COL4A1: variants seen among roughly 807,000 people sequenced by gnomAD.
The protein encoded by COL4A1 is collagen alpha-1(IV) chain.
A neutral mutation model predicts 216.6 loss-of-function variants in COL4A1; 40 were observed. That is an observed-to-expected ratio of 0.18 (90% CI 0.14 to 0.24). The LOEUF is 0.24. Among genes scored for constraint, COL4A1 ranks in the 10% least tolerant of loss-of-function variants. COL4A1 has a pLI of 1.00. For missense variants in COL4A1, 1,628 were observed against 2,196.8 expected (o/e 0.74, Z 5.18); for synonymous variants, 839 against 810.7 (o/e 1.03, Z -0.59).
chr13:110,198,396 C>G, intron 21 of COL4A1, 71 bp downstream of exon 21: 1 of 1,584,888 alleles, frequency 6.3e-7, no homozygotes, highest in Non-Finnish European at 8.6e-7. Context: ...ATCACAGCCC[C>G]CAACCTGGGT....
chr13:110,164,941 C>T lies in COL4A1; in HGVS notation c.4071G>A (p.Gly1357=), dbSNP rs769532281. Residue 1357 remains glycine, a synonymous_variant, in exon 46 of 52, where the codon GGG becomes GGA. Coordinates refer to ENST00000375820, the MANE Select transcript of COL4A1 (RefSeq NM_001845.6). ...CCTCAGGACCAGGGAGCCCGGGCTC[C>T]CCTTTGATGATGTCGTAAGGACCTG... ...GPPGPYDIIK[G]EPGLPGPEGP... 6.6e-5 allele frequency: 106 copies of T among 1,605,262 alleles called. No homozygotes were observed. The highest frequency in any genetic ancestry group is 8.4e-5 in the Non-Finnish European group (99 of 1,176,302).
chr13:110,298,165 A>C (rs1476020634), intron 1 of COL4A1, among the ~76,000 whole-genome samples: 2 of 152,234 alleles, frequency 1.3e-5, no homozygotes, highest in Admixed American at 1.3e-4. Context: ...TTAAAAGCCT[A>C]AATTCCTGAA....
intron 1 of COL4A1, among the ~76,000 whole-genome samples, chr13:110,271,066 G>A (rs571744066): frequency 6.6e-6 from 1 of 152,178 alleles, no homozygotes; most frequent in Non-Finnish European, 1.5e-5. Context: ...GATGGAAATG[G>A]ATTACAATTC....
At chr13:110,290,648 C>A (rs1233690470) in intron 1 of COL4A1, among the ~76,000 whole-genome samples, 3 of 152,202 alleles carry the variant, frequency 2.0e-5, no homozygotes, top group Non-Finnish European at 4.4e-5. Context: ...CACACCTCCA[C>A]CAGACCCACT....
chr13:110,198,198 T>C (rs1359851790), intron 21 of COL4A1, among the ~76,000 whole-genome samples: 1 of 152,122 alleles, frequency 6.6e-6, no homozygotes, highest in Non-Finnish European at 1.5e-5. Flanking sequence ...ACAGTTTTGC[T>C]TTTTAACTTT....
chr13:110,284,124 C>T (rs1318328022), intron 1 of COL4A1, among the ~76,000 whole-genome samples: 2 of 152,234 alleles, frequency 1.3e-5, no homozygotes, highest in Non-Finnish European at 2.9e-5. Flanking sequence ...TGGAAACACA[C>T]AGCTCTCAAT....
Position 110,152,331 on chromosome 13 carries a change from T to C in COL4A1, c.4928+3A>G. On this transcript the variant is annotated splice_donor_region_variant and intron_variant, in intron 51 of 51. Transcript: ENST00000375820. ...CCTGCAAAAAAGCAGTGCTCCCACTTACTTGAACATCTCGCTCCTCTCTAT... is the reference window on the plus strand; with the variant it reads ...CCTGCAAAAAAGCAGTGCTCCCACTCACTTGAACATCTCGCTCCTCTCTAT... 1 of 1,614,122 alleles carries C rather than the reference T, an allele frequency of 6.2e-7. No homozygotes were observed.
At position 110,205,475 on chromosome 13, in the gene COL4A1, A is replaced by G; in HGVS notation, c.903+19T>C. ...AGGAACAGTGAGCCTGCTTGTAAAA[A>G]CCACAGAGAAACACTTACGGGACTC... On this transcript the variant is annotated intron_variant, in intron 16 of 51. Transcript: ENST00000375820. 1.2e-6 allele frequency: 2 copies of G among 1,614,092 alleles called. No homozygotes were observed. The highest frequency in any genetic ancestry group is 1.7e-6 in the Non-Finnish European group (2 of 1,179,998).
intron 44 of COL4A1, among the ~76,000 whole-genome samples, chr13:110,166,871 T>C (rs1010255584): frequency 4.0e-4 from 61 of 152,216 alleles, no homozygotes; most frequent in Non-Finnish European, 7.3e-5. Flanking sequence ...AAAATGTGTG[T>C]TTAATATATG....
Position 110,176,710 on chromosome 13 carries a change from T to G in COL4A1, c.2884A>C (p.Ile962Leu). The G allele has an allele frequency of 6.8e-6, 11 of 1,614,122 alleles. No homozygotes were observed. The highest frequency in any genetic ancestry group is 9.3e-6 in the Non-Finnish European group (11 of 1,180,022). The change falls in exon 35 of 52, where the codon ATT becomes CTT. Residue 962 changes from isoleucine (I) to leucine (L), a missense_variant. By Grantham distance (5) the Ile-to-Leu change is conservative (BLOSUM62 2). Coordinates refer to ENST00000375820, the MANE Select transcript of COL4A1 (RefSeq NM_001845.6). ...TCTCCTCGGGATCCCTTCTCACCAATTGGTCCAATTTGTCCTACACATCAG... is the reference window on the plus strand; with the variant it reads ...TCTCCTCGGGATCCCTTCTCACCAAGTGGTCCAATTTGTCCTACACATCAG... The part of the protein sequence containing the change: ...DQGEKGQIGP[I>L]GEKGSRGDPG...
At chr13:110,291,504 C>T (rs1884087565) in intron 1 of COL4A1, among the ~76,000 whole-genome samples, 2 of 152,174 alleles carry the variant, frequency 1.3e-5, no homozygotes, top group Admixed American at 6.5e-5. Context: ...GACCACAAGT[C>T]AGCCCTCTCC....
At chr13:110,303,154 G>A (rs1469496787) in intron 1 of COL4A1, among the ~76,000 whole-genome samples, 1 of 152,108 alleles carries the variant, frequency 6.6e-6, no homozygotes, top group East Asian at 1.9e-4. Context: ...TTTGCCAACA[G>A]CCTTGTTAAT....
At chr13:110,292,273 T>C (rs1316483511) in intron 1 of COL4A1, among the ~76,000 whole-genome samples, 2 of 152,206 alleles carry the variant, frequency 1.3e-5, no homozygotes, top group Admixed American at 6.5e-5. Flanking sequence ...TCTCTGAGAA[T>C]GTGATAAAAG....
At chr13:110,192,754 G>C (rs888731400) in intron 23 of COL4A1, 76 bp downstream of exon 23, 20 of 1,312,550 alleles carry the variant, frequency 1.5e-5, no homozygotes, top group Non-Finnish European at 2.2e-5. Context: ...TCTATGGAGT[G>C]AAATCCCTTT....
At position 110,207,426 on chromosome 13, in the gene COL4A1, C is replaced by T. The variant is rs776080124; in HGVS notation, c.757G>A (p.Asp253Asn). 1 of 1,614,086 alleles carries T rather than the reference C, an allele frequency of 6.2e-7. No individual in the cohort carries two copies. Among genetic ancestry groups the T allele is most frequent in the Non-Finnish European group, 8.5e-7 (1 of 1,180,004 alleles). Residue 253 changes from aspartate (D) to asparagine (N), a missense_variant, in exon 13 of 52, where the codon GAC becomes AAC. Coordinates refer to ENST00000375820, the MANE Select transcript of COL4A1 (RefSeq NM_001845.6). This position sits in a 1 kb window ranked among gnomAD's most constrained non-coding sequence, Gnocchi z 4.4. ...PGQAQVQEKGDFATKGEKGQK... is the reference protein window; with the variant it reads ...PGQAQVQEKGNFATKGEKGQK... ...ACCTTTTCTCCCTTGGTGGCGAAGT[C>T]TCCTTTTTCTTGAACTTGAGCTTGT...
At chr13:110,164,486 C>T (rs578160344) in intron 46 of COL4A1, among the ~76,000 whole-genome samples, 4 of 152,224 alleles carry the variant, frequency 2.6e-5, no homozygotes, top group African/African-American at 9.6e-5. Context: ...AATCAGGCAG[C>T]GCTCCTGGGG....
At chr13:110,286,830 G>A (rs749770296) in intron 1 of COL4A1, among the ~76,000 whole-genome samples, 22 of 152,216 alleles carry the variant, frequency 1.4e-4, no homozygotes, top group Non-Finnish European at 2.8e-4. Context: ...GATAAACAGT[G>A]TGTGCTTCTG....
intron 44 of COL4A1, 26 bp downstream of exon 44, chr13:110,167,132 G>A (rs771341386): frequency 6.3e-7 from 1 of 1,591,224 alleles, no homozygotes; most frequent in Non-Finnish European, 8.6e-7. Context: ...TGCAAAGGCT[G>A]TGCAGCAAGG....
rs1169859971 is a variant in COL4A1 at position 110,198,490 on chromosome 13, G to A, written c.1262C>T (p.Pro421Leu). Residue 421 changes from proline to leucine, a missense_variant, in exon 21 of 52, where the codon CCC becomes CTC. This residue lies in a region of COL4A1 where 701 missense variants were observed against 892.5 expected (regional missense o/e 0.79). Coordinates refer to ENST00000375820, the MANE Select transcript of COL4A1 (RefSeq NM_001845.6). ...GLPGPPGSPG[P>L]PGQPGYTNGI... is the part of the protein sequence containing the mutation. ...ACTTGTGTAGCCAGGCTGCCCAGGGGGCCCAGGGGAACCAGGAGGACCCGG... is the reference window on the plus strand; with the variant it reads ...ACTTGTGTAGCCAGGCTGCCCAGGGAGCCCAGGGGAACCAGGAGGACCCGG... 6.2e-7 allele frequency: 1 copy of A among 1,613,330 alleles called. No individual in the cohort carries two copies. Among genetic ancestry groups the A allele is most frequent in the Non-Finnish European group, 8.5e-7 (1 of 1,179,522 alleles).
Sources: allele counts gnomAD v4.1 joint callset (sites outside exome capture counted in the v4.1 genomes callset), GRCh38; gene constraint gnomAD v4.1.1; regional missense constraint gnomAD v4.1.1; non-coding constraint Gnocchi (gnomAD v3.1); transcripts MANE v1.5; gene names NCBI Gene and HGNC (gene_info 2026-07-23, HGNC 2026-07-21).